DLGAP2: variants seen among roughly 807,000 people sequenced by gnomAD.
DLGAP2 encodes the protein DLG associated protein 2.
DLGAP2 carries 26 observed loss-of-function variants against 100.3 expected under a neutral mutation model. The ratio of observed to expected loss-of-function variants is 0.26; its 90% CI spans 0.19 to 0.36. DLGAP2 has a LOEUF of 0.36. DLGAP2 is among the 10% of genes least tolerant of loss of function. The probability of loss-of-function intolerance (pLI) is 1.00; values close to 1 mark genes in which losing one functional copy is unlikely to be tolerated. For synonymous variants in DLGAP2, 886 were observed against 630.1 expected (o/e 1.41, Z -6.08); for missense variants, 1,858 against 1,453.2 (o/e 1.28, Z -4.53).
chr8:1,139,630 C>T (rs1227112940), intron 2 of DLGAP2, among the ~76,000 whole-genome samples: 1 of 152,170 alleles, frequency 6.6e-6, no homozygotes, highest in Non-Finnish European at 1.5e-5. Context: ...AGGAAGCCCA[C>T]AGGTCACTAA....
At chr8:1,057,778 G>T (rs1387312143) in intron 2 of DLGAP2, among the ~76,000 whole-genome samples, 2 of 152,060 alleles carry the variant, frequency 1.3e-5, no homozygotes, top group African/African-American at 4.8e-5. Flanking sequence ...GTGTTACCAA[G>T]AGAACAAAAG....
At chr8:1,592,415 C>G (rs1796319406) in intron 6 of DLGAP2, among the ~76,000 whole-genome samples, 1 of 152,030 alleles carries the variant, frequency 6.6e-6, no homozygotes, top group African/African-American at 2.4e-5. Flanking sequence ...GCCCCCTTGA[C>G]TTTACCCCTG....
chr8:1,094,803 A>G (rs1379472030), intron 2 of DLGAP2, among the ~76,000 whole-genome samples: 1 of 152,212 alleles, frequency 6.6e-6, no homozygotes, highest in Admixed American at 6.5e-5. Flanking sequence ...CAGAAGGCTT[A>G]TATTAGGATG....
chr8:1,224,653 C>G (rs1222075221), intron 2 of DLGAP2, among the ~76,000 whole-genome samples: 1 of 152,032 alleles, frequency 6.6e-6, no homozygotes, highest in African/African-American at 2.4e-5. Flanking sequence ...TTACTAAAAT[C>G]CAGAATGAAA....
intron 6 of DLGAP2, among the ~76,000 whole-genome samples, chr8:1,586,480 T>C (rs1400959531): frequency 2.0e-5 from 3 of 152,198 alleles, no homozygotes; most frequent in Non-Finnish European, 2.9e-5. Flanking sequence ...TCTTCTGCTT[T>C]CAATGCTCCT....
intron 6 of DLGAP2, among the ~76,000 whole-genome samples, chr8:1,610,709 C>T (rs1392909074): frequency 7.1e-6 from 1 of 141,380 alleles, no homozygotes; most frequent in South Asian, 2.3e-4. Context: ...AAGGGGATAT[C>T]ACCACCGATC....
chr8:1,067,073 G>A (rs907378086), intron 2 of DLGAP2, among the ~76,000 whole-genome samples: 1 of 152,126 alleles, frequency 6.6e-6, no homozygotes, highest in African/African-American at 2.4e-5. Flanking sequence ...TTCAGGTTCC[G>A]TCTGATCCCA....
At chr8:1,125,223 T>A (rs1796138601) in intron 2 of DLGAP2, among the ~76,000 whole-genome samples, 1 of 152,196 alleles carries the variant, frequency 6.6e-6, no homozygotes, top group African/African-American at 2.4e-5. Flanking sequence ...TGTTACACCG[T>A]CAGGGTTGTA....
intron 12 of DLGAP2, among the ~76,000 whole-genome samples, chr8:1,683,856 A>ATATATATATATATATATATATGTG (rs1467438870): frequency 4.8e-5 from 3 of 62,228 alleles, no homozygotes; most frequent in South Asian, 7.8e-4. Flanking sequence ...ATATATATAT[A>ATATATATATATATATATATATGTG]TGTGTGTGTG....
At chr8:1,469,506 GC>G (rs1798719985) in intron 3 of DLGAP2, among the ~76,000 whole-genome samples, 1 of 152,222 alleles carries the variant, frequency 6.6e-6, no homozygotes, top group South Asian at 2.1e-4. Flanking sequence ...CTGGAAAGCA[GC>G]CTGGAGAGAG....
chr8:1,431,785 G>T (rs1383031979), intron 3 of DLGAP2, among the ~76,000 whole-genome samples: 1 of 152,206 alleles, frequency 6.6e-6, no homozygotes, highest in African/African-American at 2.4e-5. Context: ...TTTGTAAAAT[G>T]AAGACACTGA....
chr8:891,813 C>A (rs575060426), intron 1 of DLGAP2, among the ~76,000 whole-genome samples: 1 of 152,036 alleles, frequency 6.6e-6, no homozygotes, highest in South Asian at 2.1e-4. Context: ...TTCTCACTGC[C>A]TGGGGATACA....
chr8:1,268,203 A>G (rs1799507339), intron 3 of DLGAP2, among the ~76,000 whole-genome samples: 1 of 152,224 alleles, frequency 6.6e-6, no homozygotes, highest in Admixed American at 6.5e-5. Context: ...TGATAGTCTC[A>G]GGAATACATA....
At chr8:1,685,835 C>A (rs1313176009) in intron 12 of DLGAP2, among the ~76,000 whole-genome samples, 1 of 152,122 alleles carries the variant, frequency 6.6e-6, no homozygotes, top group South Asian at 2.1e-4. Flanking sequence ...GATTCACCAC[C>A]ACTAACCATC....
chr8:738,945 G>C (rs1345355481), intron 1 of DLGAP2: 1 of 153,474 alleles, frequency 6.5e-6, no homozygotes, highest in Non-Finnish European at 1.5e-5. Context: ...CGCGGCCCCC[G>C]GTCCCGGCCC....
chr8:1,421,553 A>G (rs1797087947), intron 3 of DLGAP2, among the ~76,000 whole-genome samples: 1 of 152,248 alleles, frequency 6.6e-6, no homozygotes, highest in Admixed American at 6.5e-5. Context: ...TAGTTATTTC[A>G]TTAAAGTTAT....
At chr8:1,329,428 C>A (rs1585265089) in intron 3 of DLGAP2, among the ~76,000 whole-genome samples, 1 of 152,166 alleles carries the variant, frequency 6.6e-6, no homozygotes, top group East Asian at 1.9e-4. Context: ...TTTCGAAGGT[C>A]ATTTTAGACC....
intron 1 of DLGAP2, among the ~76,000 whole-genome samples, chr8:880,662 A>G (rs1220983453): frequency 7.1e-3 from 599 of 84,538 alleles, no homozygotes; most frequent in East Asian, 0.019. Context: ...GGGAGACTTT[A>G]TAGGTGGGTC....
chr8:1,450,035 C>G (rs55796058), intron 3 of DLGAP2, among the ~76,000 whole-genome samples: 27 of 38 alleles, frequency 0.71, 13 homozygotes, highest in African/African-American at 1. Context: ...CTGAGGCGGA[C>G]GTGTGAGGGT....
Sources: allele counts gnomAD v4.1 joint callset (sites outside exome capture counted in the v4.1 genomes callset), GRCh38; gene constraint gnomAD v4.1.1; transcripts MANE v1.5; gene names NCBI Gene and HGNC (gene_info 2026-07-23, HGNC 2026-07-21).